SLC22A14: variants seen among roughly 807,000 people sequenced by gnomAD.
The protein encoded by SLC22A14 is organic cation transporter-like 4.
A neutral mutation model predicts 53.9 loss-of-function variants in SLC22A14; 50 were observed. The observed-to-expected ratio is 0.93, with a 90% CI of 0.74 to 1.17. The LOEUF (loss-of-function observed/expected upper bound fraction) is 1.17, where lower values mean the gene tolerates loss of function less well. Ranked by LOEUF, SLC22A14 falls within the 50% of genes most tolerant of loss-of-function variation. SLC22A14 has a pLI of 0.00. For synonymous variants in SLC22A14, 312 were observed against 303.0 expected (o/e 1.03, Z -0.31); for missense variants, 671 against 734.7 (o/e 0.91, Z 1.00).
chr3:38,288,183 A>C (rs1343984269), intron 1 of SLC22A14, among the ~76,000 whole-genome samples: 1 of 152,214 alleles, frequency 6.6e-6, no homozygotes, highest in Non-Finnish European at 1.5e-5. Context: ...AAGTGTAATC[A>C]TACATGTCCT....
rs769090429 is a variant in SLC22A14, at chr3:38,309,045, C to T, written c.867C>T (p.Ile289=). The T allele has an allele frequency of 7.4e-6, 12 of 1,613,896 alleles. No individual in the cohort carries two copies. The African/African-American group carries it at 8.0e-5, about 11-fold the overall frequency. The part of the protein sequence containing the change: ...FAVGAVLLTG[I]AYSLPHWQLL... ...TTGGGGCCGTGTTGCTGACAGGGAT[C>T]GCCTACAGTCTTCCCCACTGGCAGC... The change falls in exon 5 of 11, where the codon ATC becomes ATT. Residue 289 remains isoleucine, a synonymous_variant. Coordinates refer to ENST00000448498, the MANE Select transcript of SLC22A14 (RefSeq NM_001320033.2).
At position 38,318,421 on chromosome 3, in the gene SLC22A14, C is replaced by T. The variant is rs1704679753; in HGVS notation, c.*172C>T. ...GGAATTGAGTGGCCAAGTATGGGGT[C>T]ATGGATTCCAGGCCACAAATTCCAG... On this transcript the variant is annotated 3_prime_UTR_variant, in exon 11 of 11. Transcript: ENST00000448498. 4 of 638,020 alleles carry T rather than the reference C, an allele frequency of 6.3e-6. No individual in the cohort carries two copies. In the South Asian group the frequency reaches 7.6e-5, roughly 12 times the overall value. 39.5% of individuals were successfully genotyped at this position (638,020 alleles called of 1,614,324 possible).
chr3:38,311,819 G>A (rs1017751429), intron 5 of SLC22A14, among the ~76,000 whole-genome samples: 1 of 152,194 alleles, frequency 6.6e-6, no homozygotes, highest in African/African-American at 2.4e-5. Context: ...TTCTGTTCAT[G>A]ACCTCTTCAA....
At chr3:38,318,123 G>T in intron 10 of SLC22A14, 75 bp from the exon 11 acceptor site, 1 of 1,409,154 alleles carries the variant, frequency 7.1e-7, no homozygotes, top group Non-Finnish European at 1.0e-6. Context: ...GGGCGCTGCT[G>T]AAGGCACAAG....
chr3:38,287,461 T>C (rs1290123918), intron 1 of SLC22A14, among the ~76,000 whole-genome samples: 1 of 152,190 alleles, frequency 6.6e-6, no homozygotes, highest in Non-Finnish European at 1.5e-5. Context: ...GGAATTTTTG[T>C]TTATGATATG....
chr3:38,310,275 G>A (rs552184642), intron 5 of SLC22A14, among the ~76,000 whole-genome samples: 5 of 152,156 alleles, frequency 3.3e-5, no homozygotes, highest in Non-Finnish European at 7.3e-5. Context: ...CTACTTGGGA[G>A]GCTGAGGTGG....
At chr3:38,308,350 C>G (rs1422166594) in intron 4 of SLC22A14, among the ~76,000 whole-genome samples, 1 of 152,220 alleles carries the variant, frequency 6.6e-6, no homozygotes, top group African/African-American at 2.4e-5. Flanking sequence ...CTGTCTTCAG[C>G]AGGCACTATT....
Position 38,306,168 on chromosome 3 carries a change from C to A in SLC22A14, c.142C>A (p.Gln48Lys). The change falls in exon 2 of 11, where the codon CAG (glutamine) becomes AAG (lysine). Residue 48 changes from glutamine (Q) to lysine (K), a missense_variant. Gln to Lys is a moderately conservative substitution (Grantham distance 53). Transcript: ENST00000448498. ...CAGATTGAGGGCTGTCCACACCAAG[C>A]AGGATGACAAGTTTGCCAACCTCCT... is the stretch of plus-strand genomic sequence containing the variant. ...LRRLRAVHTK[Q>K]DDKFANLLDA... is the part of the protein sequence containing the mutation. 1 of 1,614,184 alleles carries A rather than the reference C, an allele frequency of 6.2e-7. No homozygotes were observed. Among genetic ancestry groups the A allele is most frequent in the Non-Finnish European group, 8.5e-7 (1 of 1,180,026 alleles).
rs753113021 is a variant in SLC22A14 at position 38,306,161 on chromosome 3, CA to C, written c.136del (p.Thr46ProfsTer24). ...TGTTACGCAGATTGAGGGCTGTCCACACCAAGCAGGATGACAAGTTTGCCAA... is the reference window on the plus strand; with the variant it reads ...TGTTACGCAGATTGAGGGCTGTCCACCCAAGCAGGATGACAAGTTTGCCAA... ...MLLRRLRAVH[T>X]KQDDKFANLL... On this transcript the variant is annotated frameshift_variant, in exon 2 of 11. Coordinates refer to ENST00000448498, the MANE Select transcript of SLC22A14 (RefSeq NM_001320033.2). LOFTEE classifies it high-confidence loss of function. The C allele has an allele frequency of 2.5e-6, 4 of 1,614,186 alleles. No individual in the cohort carries two copies. The East Asian group carries it at 8.9e-5, about 36-fold the overall frequency.
intron 7 of SLC22A14, 49 bp from the exon 8 acceptor site, chr3:38,313,678 G>C: frequency 2.0e-6 from 2 of 1,004,448 alleles, no homozygotes; most frequent in Non-Finnish European, 3.1e-6. Context: ...TCCTGGCTCC[G>C]TGTGTGTGCG....
At chr3:38,298,903 T>C (rs1325757736) in intron 1 of SLC22A14, among the ~76,000 whole-genome samples, 3 of 152,198 alleles carry the variant, frequency 2.0e-5, no homozygotes, top group Non-Finnish European at 4.4e-5. Flanking sequence ...ACCTAGCTCT[T>C]ATTATCTACA....
rs1332422089 is a variant in SLC22A14 at position 38,307,946 on chromosome 3, G to C, written c.775+226G>C. 8.8e-6 allele frequency: 5 copies of C among 568,548 alleles called. No homozygotes were observed. The African/African-American group carries it at 9.4e-5, about 11-fold the overall frequency. 35.2% of individuals were successfully genotyped at this position (568,548 alleles called of 1,614,324 possible). ...TAATTGGACAGGCAGAAGTGGAAGG[G>C]ATCTCCGTTCCTGGCTGCCTGGAGA... On this transcript the variant is annotated intron_variant, in intron 4 of 10. Transcript: ENST00000448498. The surrounding 1 kb of genome is among the most constrained non-coding windows in gnomAD (Gnocchi z 4.4).
chr3:38,305,692 C>A, intron 1 of SLC22A14: 1 of 257,996 alleles, frequency 3.9e-6, no homozygotes, highest in East Asian at 8.1e-5. Flanking sequence ...TTTGCAAGAC[C>A]ACTGGTGTCT....
intron 1 of SLC22A14, among the ~76,000 whole-genome samples, chr3:38,296,093 G>T (rs1704030755): frequency 6.6e-6 from 1 of 152,240 alleles, no homozygotes; most frequent in Admixed American, 6.5e-5. Context: ...AGATTCAGAG[G>T]TAAGGAGAAT....
At chr3:38,305,207 A>C (rs945558853) in intron 1 of SLC22A14, 2 of 133,388 alleles carry the variant, frequency 1.5e-5, no homozygotes, top group African/African-American at 5.6e-5. Context: ...CTGCAGTCTA[A>C]AAGTCTGTGG....
At chr3:38,294,117 A>G (rs181281173) in intron 1 of SLC22A14, among the ~76,000 whole-genome samples, 137 of 149,664 alleles carry the variant, frequency 9.2e-4, no homozygotes, top group Non-Finnish European at 1.8e-3. Context: ...TAATAGGGAA[A>G]TATTGGCACT....
chr3:38,298,637 C>A (rs1704094879), intron 1 of SLC22A14, among the ~76,000 whole-genome samples: 1 of 152,074 alleles, frequency 6.6e-6, no homozygotes, highest in Non-Finnish European at 1.5e-5. Context: ...CTCACTGCAA[C>A]CTCTGCCTCC....
intron 5 of SLC22A14, among the ~76,000 whole-genome samples, chr3:38,310,832 C>T (rs1704449000): frequency 6.6e-6 from 1 of 152,108 alleles, no homozygotes; most frequent in Admixed American, 6.5e-5. Flanking sequence ...CCCACTGTTC[C>T]CCAGCCTCCA....
chr3:38,316,354 C>T lies in SLC22A14; in HGVS notation c.1563C>T (p.Ala521=), dbSNP rs775881511. 9.3e-6 allele frequency: 15 copies of T among 1,614,062 alleles called. No homozygotes were observed. The East Asian group carries it at 2.7e-4, about 29-fold the overall frequency. Residue 521 remains alanine, a synonymous_variant, in exon 10 of 11, where the codon GCC becomes GCT. Transcript: ENST00000448498. ...CAGGTCTGGGGCTGGTGTCTCTGGC[C>T]TCGGTGGCTGGAGCCATCTTGTCCC... ...RATGLGLVSL[A]SVAGAILSLT... is the part of the protein sequence containing the mutation.
Sources: allele counts gnomAD v4.1 joint callset (sites outside exome capture counted in the v4.1 genomes callset), GRCh38; gene constraint gnomAD v4.1.1; non-coding constraint Gnocchi (gnomAD v3.1); transcripts MANE v1.5; gene names NCBI Gene and HGNC (gene_info 2026-07-23, HGNC 2026-07-21).